The following GPHN variants were observed in gnomAD, a reference collection of about 807,000 sequenced individuals.
The protein encoded by GPHN is gephyrin.
In GPHN, 17 loss-of-function variants were observed where a neutral mutation model predicts 95.5. The observed-to-expected ratio is 0.18, with a 90% confidence interval of 0.12 to 0.27. GPHN has a LOEUF of 0.27. GPHN is among the 10% of genes least tolerant of loss of function. The pLI, the probability that GPHN is intolerant of heterozygous loss-of-function variation, is 1.00. For synonymous variants in GPHN, 320 were observed against 322.5 expected (o/e 0.99, Z 0.08); for missense variants, 660 against 978.1 (o/e 0.67, Z 4.34).
chr14:67,674,499 C>T, the GPHN span: 1 of 1,585,680 alleles, frequency 6.3e-7, no homozygotes, highest in Non-Finnish European at 8.6e-7. Flanking sequence ...TGGCGCAGGC[C>T]GCGCTGGAGC....
the GPHN span, among the ~76,000 whole-genome samples, chr14:67,597,484 A>C: frequency 6.6e-6 from 1 of 151,092 alleles, no homozygotes; most frequent in African/African-American, 2.4e-5. Flanking sequence ...TCTCAAAAAA[A>C]ACAAAGAAAC....
chr14:66,734,587 A>G (rs1019244268), intron 2 of GPHN, among the ~76,000 whole-genome samples: 2 of 152,188 alleles, frequency 1.3e-5, no homozygotes, highest in African/African-American at 4.8e-5. Flanking sequence ...TGTGAAAGCT[A>G]TGAATTCATT....
intron 9 of GPHN, among the ~76,000 whole-genome samples, chr14:66,973,816 T>C (rs887258039): frequency 2.0e-5 from 3 of 152,148 alleles, no homozygotes; most frequent in Admixed American, 2.0e-4. Flanking sequence ...GATAATTCTA[T>C]TGAGTATATA....
intron 3 of GPHN, among the ~76,000 whole-genome samples, chr14:66,786,105 G>A (rs1164469685): frequency 6.6e-6 from 1 of 152,054 alleles, no homozygotes; most frequent in East Asian, 1.9e-4. Flanking sequence ...AATAAAATCT[G>A]CTTCTTTATA....
At chr14:67,179,486 C>T in intron 21 of GPHN, 92 bp from the exon 22 acceptor site, 2 of 759,320 alleles carry the variant, frequency 2.6e-6, no homozygotes, top group South Asian at 2.8e-5. Context: ...GTCTCCATGT[C>T]CACTGTATTC....
chr14:67,321,533 T>C, the GPHN span, among the ~76,000 whole-genome samples: 1 of 152,174 alleles, frequency 6.6e-6, no homozygotes, highest in Non-Finnish European at 1.5e-5. Flanking sequence ...ATTTCTCAGA[T>C]TTTAGAATAT....
intron 3 of GPHN, among the ~76,000 whole-genome samples, chr14:66,806,640 T>C (rs574556766): frequency 1.3e-5 from 2 of 152,288 alleles, no homozygotes; most frequent in African/African-American, 4.8e-5. Context: ...AAGTTCAAAG[T>C]TATTGAACTC....
At chr14:67,055,550 G>T (rs564620255) in intron 10 of GPHN, among the ~76,000 whole-genome samples, 53 of 152,226 alleles carry the variant, frequency 3.5e-4, no homozygotes, top group Admixed American at 3.9e-4. Context: ...TCCCATTACT[G>T]GGTATATACC....
intron 2 of GPHN, among the ~76,000 whole-genome samples, chr14:66,745,350 T>C (rs1445067423): frequency 1.3e-5 from 2 of 152,090 alleles, no homozygotes; most frequent in East Asian, 1.9e-4. Context: ...ACTTTACCCC[T>C]GAATACTTCA....
chr14:66,562,466 A>G (rs954965679), intron 1 of GPHN, among the ~76,000 whole-genome samples: 8 of 152,162 alleles, frequency 5.3e-5, no homozygotes, highest in African/African-American at 1.9e-4. Context: ...ATTGTACCTT[A>G]ACAAAATTTG....
At chr14:67,242,468 T>C in the GPHN span, among the ~76,000 whole-genome samples, 2 of 152,246 alleles carry the variant, frequency 1.3e-5, no homozygotes, top group African/African-American at 4.8e-5. Flanking sequence ...AATATCATGT[T>C]TTAATGATAG....
intron 5 of GPHN, among the ~76,000 whole-genome samples, chr14:66,890,410 CAAA>C (rs781415190): frequency 1.5e-3 from 122 of 79,990 alleles, no homozygotes; most frequent in East Asian, 5.4e-3. Context: ...GACCCTGTCT[CAAA>C]AAAAAAAAAA....
At chr14:66,655,760 T>C (rs746997253) in intron 1 of GPHN, among the ~76,000 whole-genome samples, 1 of 152,078 alleles carries the variant, frequency 6.6e-6, no homozygotes, top group Non-Finnish European at 1.5e-5. Context: ...TTTTACCAAG[T>C]TGAGGAATTT....
chr14:67,640,960 A>G, the GPHN span, among the ~76,000 whole-genome samples: 1 of 152,240 alleles, frequency 6.6e-6, no homozygotes, highest in Non-Finnish European at 1.5e-5. Flanking sequence ...TGACATTACA[A>G]GTTACCCTGA....
At chr14:66,905,788 C>G (rs181542884) in intron 5 of GPHN, among the ~76,000 whole-genome samples, 32 of 152,080 alleles carry the variant, frequency 2.1e-4, no homozygotes, top group Non-Finnish European at 4.0e-4. Flanking sequence ...CCATGTGTAC[C>G]AAATGTTTAG....
intron 13 of GPHN, among the ~76,000 whole-genome samples, chr14:67,106,538 A>G (rs72715373): frequency 0.054 from 8,290 of 152,254 alleles, 237 homozygotes; most frequent in Middle Eastern, 0.068. Context: ...TATTTCAAAC[A>G]ACCTATCTTC....
chr14:66,885,453 G>T (rs146137316), intron 5 of GPHN, among the ~76,000 whole-genome samples: 1,833 of 152,160 alleles, frequency 0.012, 19 homozygotes, highest in Non-Finnish European at 0.018. Context: ...AGGTACTAGG[G>T]TTTATAGGAC....
At chr14:66,728,651 T>C (rs187564335) in intron 2 of GPHN, among the ~76,000 whole-genome samples, 27 of 152,338 alleles carry the variant, frequency 1.8e-4, no homozygotes, top group Non-Finnish European at 1.0e-4. Context: ...TTTGGCCAAT[T>C]TCTCCCATTT....
chr14:66,691,192 T>C (rs182146620), intron 2 of GPHN, among the ~76,000 whole-genome samples: 1 of 151,990 alleles, frequency 6.6e-6, no homozygotes, highest in Non-Finnish European at 1.5e-5. Context: ...TTTTATTTTT[T>C]TTTTTTATTT....
Sources: allele counts gnomAD v4.1 joint callset (sites outside exome capture counted in the v4.1 genomes callset), GRCh38; gene constraint gnomAD v4.1.1; transcripts MANE v1.5; gene names NCBI Gene and HGNC (gene_info 2026-07-23, HGNC 2026-07-21).